Variants in FNDC1 observed in about 807,000 individuals in gnomAD.
The protein encoded by FNDC1 is fibronectin type III domain containing 1.
A neutral mutation model predicts 168.0 loss-of-function variants in FNDC1; 96 were observed. That is an observed-to-expected ratio of 0.57 (90% CI 0.48 to 0.68). FNDC1 has a LOEUF of 0.68. FNDC1 is among the 30% of genes least tolerant of loss of function. FNDC1 has a pLI of 0.00. For missense variants in FNDC1, 2,587 were observed against 2,482.1 expected, an observed-to-expected ratio of 1.04 and a Z score of -0.90; for synonymous variants, 1,099 against 1,025.9, an observed-to-expected ratio of 1.07 and a Z score of -1.36.
intron 19 of FNDC1, among the ~76,000 whole-genome samples, chr6:159,262,113 C>A (rs1777499455): frequency 6.6e-6 from 1 of 152,092 alleles, no homozygotes. Context: ...TCTCTGAAAA[C>A]ATAGTTCCTA....
chr6:159,216,723 T>C (rs1782716949), intron 5 of FNDC1, among the ~76,000 whole-genome samples: 1 of 152,216 alleles, frequency 6.6e-6, no homozygotes, highest in African/African-American at 2.4e-5. Flanking sequence ...AGCCTAATTC[T>C]GGGTTCCGTG....
chr6:159,171,314 T>G (rs1003116837), intron 1 of FNDC1, among the ~76,000 whole-genome samples: 2 of 152,232 alleles, frequency 1.3e-5, no homozygotes, highest in East Asian at 1.9e-4. Context: ...TGAAATCTAC[T>G]AAATTTAAAT....
At chr6:159,221,153 A>ATTCTT (rs954460056) in intron 5 of FNDC1, among the ~76,000 whole-genome samples, 6 of 152,254 alleles carry the variant, frequency 3.9e-5, no homozygotes, top group African/African-American at 1.4e-4. Context: ...CACATTGGCT[A>ATTCTT]TTCTTTTCTT....
intron 5 of FNDC1, among the ~76,000 whole-genome samples, chr6:159,220,177 A>AT (rs1489611605): frequency 6.6e-6 from 1 of 152,208 alleles, no homozygotes; most frequent in East Asian, 1.9e-4. Flanking sequence ...GAAACCTCTG[A>AT]TTCTTCTACA....
chr6:159,243,452 C>T (rs575049334), intron 14 of FNDC1: 31 of 152,320 alleles, frequency 2.0e-4, no homozygotes, highest in African/African-American at 6.5e-4. Flanking sequence ...TGTCTCTAAA[C>T]TTCTACTGAG....
Position 159,233,676 on chromosome 6 carries a change from C to T in FNDC1, c.3164C>T (p.Pro1055Leu), listed in dbSNP as rs1352263392. The T allele has an allele frequency of 1.3e-6, 2 of 1,549,972 alleles. No homozygotes were observed. The highest frequency in any genetic ancestry group is 8.7e-7 in the Non-Finnish European group (1 of 1,147,588). ...SQGRSHSSSDPYTASSRGMLP... is the reference protein window; with the variant it reads ...SQGRSHSSSDLYTASSRGMLP... ...GGCCGCTCCCACTCCTCCTCGGACC[C>T]TTACACGGCGAGCTCCAGAGGGATG... The change falls in exon 11 of 23, where the codon CCT (proline) becomes CTT (leucine). Residue 1055 changes from proline (P) to leucine (L), a missense_variant. Pro to Leu is a moderately conservative substitution (Grantham distance 98). Coordinates refer to ENST00000297267, the MANE Select transcript of FNDC1 (RefSeq NM_032532.3). This position sits in a 1 kb window ranked among gnomAD's most constrained non-coding sequence, Gnocchi z 4.6.
intron 12 of FNDC1, among the ~76,000 whole-genome samples, 193 bp downstream of exon 12, chr6:159,236,508 T>C (rs573182456): frequency 6.6e-6 from 1 of 152,366 alleles, no homozygotes; most frequent in South Asian, 2.1e-4. Flanking sequence ...AACTAGCTTG[T>C]TTTCTTCTCA....
chr6:159,269,507 C>CATGCATCCATCT (rs1554229945), intron 22 of FNDC1, among the ~76,000 whole-genome samples: 5,454 of 112,898 alleles, frequency 0.048, 340 homozygotes, highest in Middle Eastern at 0.098. Flanking sequence ...TCTATCCATC[C>CATGCATCCATCT]ATCCATGCAT....
chr6:159,238,640 A>G lies in FNDC1; in HGVS notation c.4155A>G (p.Leu1385=). The change falls in exon 13 of 23, where the codon CTA becomes CTG. Residue 1385 remains leucine (L), a synonymous_variant. Transcript: ENST00000297267. ...DSHGNPLRIK[L]GGDGRTIVDL... is the part of the protein sequence containing the mutation. ...ATGGAAATCCTCTTCGGATTAAACT[A>G]GGAGGAGATGGTCGAACCATTGTAG... is the stretch of plus-strand genomic sequence containing the variant. 1.2e-6 allele frequency: 2 copies of G among 1,607,810 alleles called. No individual in the cohort carries two copies. Among genetic ancestry groups the G allele is most frequent in the Non-Finnish European group, 8.5e-7 (1 of 1,176,964 alleles).
intron 17 of FNDC1, among the ~76,000 whole-genome samples, chr6:159,253,263 T>A (rs187536030): frequency 2.1e-4 from 32 of 152,318 alleles, no homozygotes; most frequent in African/African-American, 7.7e-4. Context: ...CTGCAGCACA[T>A]GACACCCTGT....
intron 1 of FNDC1, among the ~76,000 whole-genome samples, chr6:159,175,730 G>C (rs1461563196): frequency 6.6e-6 from 1 of 152,186 alleles, no homozygotes; most frequent in African/African-American, 2.4e-5. Flanking sequence ...CTCGCCTGTT[G>C]GCATCTTAGA....
rs767186047 is a variant in FNDC1, at chr6:159,172,868, G to A, written c.109+3163G>A. On this transcript the variant is annotated intron_variant, in intron 1 of 22. Transcript: ENST00000297267. The stretch of plus-strand genomic sequence containing the variant: ...AGGCTGGGTTTTCTCCAAGCAAAAC[G>A]ACATATTGCAATAGATTGAATGCAT... Among the ~76,000 whole-genome samples the A allele has an allele frequency of 6.6e-5, 10 of 152,268 alleles. No homozygotes were observed. In the South Asian group the frequency reaches 8.3e-4, roughly 13 times the overall value.
chr6:159,239,446 T>A (rs1281349028), intron 13 of FNDC1, 71 bp from the exon 14 acceptor site: 7 of 1,347,210 alleles, frequency 5.2e-6, no homozygotes. Flanking sequence ...GAGAAGACAC[T>A]TATTGCTTGC....
At chr6:159,193,963 T>G (rs1782190054) in intron 1 of FNDC1, among the ~76,000 whole-genome samples, 1 of 152,356 alleles carries the variant, frequency 6.6e-6, no homozygotes, top group South Asian at 2.1e-4. Flanking sequence ...ATTTTGCCAC[T>G]CAGTCCCCAG....
At chr6:159,171,768 C>T (rs1173658602) in intron 1 of FNDC1, among the ~76,000 whole-genome samples, 1 of 152,216 alleles carries the variant, frequency 6.6e-6, no homozygotes, top group Non-Finnish European at 1.5e-5. Flanking sequence ...TTTTTCTAAA[C>T]ACATGTGGAT....
At chr6:159,171,671 T>C (rs1467214137) in intron 1 of FNDC1, among the ~76,000 whole-genome samples, 1 of 152,082 alleles carries the variant, frequency 6.6e-6, no homozygotes, top group Non-Finnish European at 1.5e-5. Context: ...GCAAGCAGTG[T>C]CCCCTCCTCC....
intron 4 of FNDC1, among the ~76,000 whole-genome samples, chr6:159,209,282 C>T (rs183271362): frequency 0.012 from 1,903 of 152,346 alleles, 17 homozygotes; most frequent in South Asian, 0.021. Context: ...TTCATTCTCT[C>T]TGCTGTTAGA....
intron 1 of FNDC1, among the ~76,000 whole-genome samples, chr6:159,183,076 A>G (rs929927368): frequency 2.6e-5 from 4 of 152,304 alleles, no homozygotes; most frequent in Admixed American, 2.6e-4. Context: ...TTTATTCCTC[A>G]TGTTGATGTT....
Position 159,233,698 on chromosome 6 carries a change from G to A in FNDC1, c.3186G>A (p.Gly1062=). Residue 1062 remains glycine (G), a synonymous_variant, in exon 11 of 23, where the codon GGG becomes GGA. Transcript: ENST00000297267. This position sits in a 1 kb window ranked among gnomAD's most constrained non-coding sequence, Gnocchi z 4.6. Reference sequence around the variant, plus strand: ...ACCCTTACACGGCGAGCTCCAGAGGGATGCTCCCCACGGCCCTCCAGAACC... The same window carrying A: ...ACCCTTACACGGCGAGCTCCAGAGGAATGCTCCCCACGGCCCTCCAGAACC... ...SSDPYTASSR[G]MLPTALQNQD... 1.9e-6 allele frequency: 3 copies of A among 1,549,728 alleles called. No individual in the cohort carries two copies. Among genetic ancestry groups the A allele is most frequent in the South Asian group, 1.2e-5 (1 of 84,056 alleles).
Sources: allele counts gnomAD v4.1 joint callset (sites outside exome capture counted in the v4.1 genomes callset), GRCh38; gene constraint gnomAD v4.1.1; non-coding constraint Gnocchi (gnomAD v3.1); transcripts MANE v1.5; gene names NCBI Gene and HGNC (gene_info 2026-07-23, HGNC 2026-07-21).